The following NEK10 variants were observed in gnomAD, a reference collection of about 807,000 sequenced individuals.
The protein encoded by NEK10 is NIMA related kinase 10.
NEK10 carries 122 observed loss-of-function variants against 159.8 expected under a neutral mutation model. That is an observed-to-expected ratio of 0.76 (90% CI 0.66 to 0.89). The LOEUF (loss-of-function observed/expected upper bound fraction) is 0.89, where lower values mean the gene tolerates loss of function less well. NEK10 is among the 40% of genes least tolerant of loss of function. NEK10 has a pLI of 0.00. For synonymous variants in NEK10, 466 were observed against 457.1 expected (o/e 1.02, Z -0.25); for missense variants, 1,342 against 1,323.1 (o/e 1.01, Z -0.22).
At chr3:27,238,273 C>T (rs1954162597) in intron 23 of NEK10, among the ~76,000 whole-genome samples, 2 of 152,108 alleles carry the variant, frequency 1.3e-5, no homozygotes, top group Non-Finnish European at 2.9e-5. Flanking sequence ...TAGAAAAGCA[C>T]TCATTAATAT....
intron 5 of NEK10, among the ~76,000 whole-genome samples, chr3:27,335,168 C>G (rs1384151990): frequency 6.6e-6 from 1 of 151,742 alleles, no homozygotes; most frequent in Non-Finnish European, 1.5e-5. Context: ...GTGAAGCTCC[C>G]TCTCTACTAA....
At chr3:27,142,033 T>C (rs767934682) in intron 30 of NEK10, among the ~76,000 whole-genome samples, 2 of 152,006 alleles carry the variant, frequency 1.3e-5, no homozygotes, top group South Asian at 4.1e-4. Context: ...TGAACATTCT[T>C]ACAGAGCAAA....
At chr3:27,338,122 C>T (rs958958187) in intron 5 of NEK10, among the ~76,000 whole-genome samples, 2 of 152,236 alleles carry the variant, frequency 1.3e-5, no homozygotes, top group South Asian at 4.2e-4. Context: ...GGTATGTGAT[C>T]TTCCGCTCCC....
At chr3:27,335,334 T>G (rs1484936067) in intron 5 of NEK10, among the ~76,000 whole-genome samples, 1 of 140,344 alleles carries the variant, frequency 7.1e-6, no homozygotes, top group African/African-American at 3.1e-5. Flanking sequence ...AGTGAAACTC[T>G]GTCTCAAAAA....
At chr3:27,126,587 T>C (rs904104300) in intron 32 of NEK10, among the ~76,000 whole-genome samples, 8 of 152,276 alleles carry the variant, frequency 5.3e-5, no homozygotes, top group Non-Finnish European at 1.0e-4. Flanking sequence ...AGCCATCACC[T>C]GGAAGATGAT....
intron 23 of NEK10, among the ~76,000 whole-genome samples, chr3:27,236,391 G>A (rs1484735349): frequency 6.6e-6 from 1 of 152,042 alleles, no homozygotes; most frequent in South Asian, 2.1e-4. Flanking sequence ...ACAAAATAAT[G>A]TCTTTTGCAG....
At chr3:27,283,441 T>C (rs2042347776) in intron 22 of NEK10, among the ~76,000 whole-genome samples, 1 of 152,228 alleles carries the variant, frequency 6.6e-6, no homozygotes, top group South Asian at 2.1e-4. Context: ...GTAATATATA[T>C]GTATAGAATT....
chr3:27,274,624 T>A (rs1035304402), intron 22 of NEK10, among the ~76,000 whole-genome samples: 1 of 151,998 alleles, frequency 6.6e-6, no homozygotes, highest in Non-Finnish European at 1.5e-5. Context: ...CTCTCTTTTT[T>A]TCACATATGC....
At chr3:27,119,918 T>C (rs1187024747) in intron 32 of NEK10, 50 bp from the exon 33 acceptor site, 1 of 1,360,744 alleles carries the variant, frequency 7.3e-7, no homozygotes, top group Non-Finnish European at 1.1e-6. Context: ...CAGAAGGAAA[T>C]GGCAGGAGAC....
intron 32 of NEK10, among the ~76,000 whole-genome samples, chr3:27,127,806 G>A (rs549131474): frequency 1.8e-3 from 267 of 152,156 alleles, no homozygotes; most frequent in African/African-American, 5.9e-3. Context: ...TATTGCAAGT[G>A]GTTATTTTCC....
intron 26 of NEK10, among the ~76,000 whole-genome samples, chr3:27,181,055 G>A (rs1000854997): frequency 6.6e-6 from 1 of 152,078 alleles, no homozygotes; most frequent in Non-Finnish European, 1.5e-5. Context: ...CTTTGGTCAT[G>A]CTACTCCTTC....
At chr3:27,356,246 C>T (rs966841131) in intron 1 of NEK10, among the ~76,000 whole-genome samples, 2 of 152,170 alleles carry the variant, frequency 1.3e-5, no homozygotes, top group South Asian at 4.1e-4. Flanking sequence ...CATGAAGGCT[C>T]ATACCTGTAT....
chr3:27,304,425 T>C (rs753966316), intron 12 of NEK10, among the ~76,000 whole-genome samples: 14 of 149,272 alleles, frequency 9.4e-5, no homozygotes, highest in Non-Finnish European at 1.6e-4. Context: ...AAGACAAAGG[T>C]TTTTTTTAGG....
chr3:27,106,913 C>T lies in NEK10; in HGVS notation c.*4359G>A, dbSNP rs1939040242. Among the ~76,000 whole-genome samples the T allele has an allele frequency of 6.6e-6, 1 of 152,246 alleles. No individual in the cohort carries two copies. Among genetic ancestry groups the T allele is most frequent in the African/African-American group, 2.4e-5 (1 of 41,542 alleles). On this transcript the variant is annotated 3_prime_UTR_variant, in exon 36 of 36. Transcript: ENST00000691995. Reference sequence around the variant, plus strand: ...CCAAATGACAGCATTTAAACAGTCACGTACTTCTGTTATCGCTAAATACAG... The same window carrying T: ...CCAAATGACAGCATTTAAACAGTCATGTACTTCTGTTATCGCTAAATACAG...
At chr3:27,337,281 T>A (rs961170135) in intron 5 of NEK10, among the ~76,000 whole-genome samples, 1 of 151,826 alleles carries the variant, frequency 6.6e-6, no homozygotes, top group Non-Finnish European at 1.5e-5. Context: ...GTAAAAGACG[T>A]CTACAAGGAA....
intron 29 of NEK10, among the ~76,000 whole-genome samples, chr3:27,168,429 C>T (rs901834399): frequency 2.0e-5 from 3 of 152,084 alleles, no homozygotes; most frequent in Non-Finnish European, 4.4e-5. Context: ...CAGGAAAATC[C>T]TAAACAAATT....
chr3:27,141,903 A>C (rs1943819550), intron 30 of NEK10, among the ~76,000 whole-genome samples: 1 of 152,194 alleles, frequency 6.6e-6, no homozygotes, highest in Non-Finnish European at 1.5e-5. Flanking sequence ...GTAGCCACTG[A>C]AAAGCCAGGC....
Position 27,291,588 on chromosome 3 carries a change from T to C in NEK10, c.1374-2A>G, listed in dbSNP as rs376221750. ...TCAAACAAGTCTGTGGGGAAAAGTCTACAGAGAATATTACACACACTTAAA... is the reference window on the plus strand; with the variant it reads ...TCAAACAAGTCTGTGGGGAAAAGTCCACAGAGAATATTACACACACTTAAA... On this transcript the variant is annotated splice_acceptor_variant, in intron 16 of 35. Transcript: ENST00000691995. LOFTEE classifies it high-confidence loss of function. 7 of 1,508,998 alleles carry C rather than the reference T, an allele frequency of 4.6e-6. No homozygotes were observed. The highest frequency in any genetic ancestry group is 6.5e-6 in the Non-Finnish European group (7 of 1,084,492). 93.5% of individuals were successfully genotyped at this position (1,508,998 alleles called of 1,614,324 possible).
At chr3:27,201,657 C>A in intron 24 of NEK10, 77 bp from the exon 25 acceptor site, 2 of 1,005,816 alleles carry the variant, frequency 2.0e-6, no homozygotes, top group South Asian at 3.0e-5. Flanking sequence ...TTGACCATAA[C>A]CTGAGAGTTA....
Sources: gnomAD v4.1 joint callset for allele counts (sites outside exome capture counted in the v4.1 genomes callset) on GRCh38, gnomAD v4.1.1 for gene constraint, MANE v1.5 for transcripts, NCBI Gene and HGNC (gene_info 2026-07-23, HGNC 2026-07-21) for gene names.